SLC15A5: variants seen among roughly 807,000 people sequenced by gnomAD.
The protein encoded by SLC15A5 is solute carrier family 15 member 5.
SLC15A5 carries 58 observed loss-of-function variants against 56.1 expected under a neutral mutation model. The ratio of observed to expected loss-of-function variants is 1.03; its 90% CI spans 0.84 to 1.29. The LOEUF (loss-of-function observed/expected upper bound fraction) is 1.29. Ranked by LOEUF, SLC15A5 falls within the 50% of genes most tolerant of loss-of-function variation. The pLI is 0.00. For synonymous variants in SLC15A5, 264 were observed against 250.5 expected (o/e 1.05, Z -0.51); for missense variants, 681 against 672.1 (o/e 1.01, Z -0.15).
At chr12:16,257,571 T>C in intron 3 of SLC15A5, 130 bp downstream of exon 3, 1 of 656,372 alleles carries the variant, frequency 1.5e-6, no homozygotes, top group East Asian at 3.4e-5. Context: ...CATTGCTTTA[T>C]CAAGGGTAAT....
At chr12:16,253,560 T>G (rs1198522000) in intron 3 of SLC15A5, among the ~76,000 whole-genome samples, 1 of 152,020 alleles carries the variant, frequency 6.6e-6, no homozygotes, top group Non-Finnish European at 1.5e-5. Context: ...CACTAATTAC[T>G]AGGGAAATGC....
chr12:16,205,293 AT>A (rs1864003333), intron 7 of SLC15A5, among the ~76,000 whole-genome samples: 1 of 151,822 alleles, frequency 6.6e-6, no homozygotes, highest in African/African-American at 2.4e-5. Flanking sequence ...TGAGGCAAGT[AT>A]TATCATTTCA....
At chr12:16,236,574 T>C (rs1864354095) in intron 5 of SLC15A5, among the ~76,000 whole-genome samples, 1 of 152,194 alleles carries the variant, frequency 6.6e-6, no homozygotes, top group Non-Finnish European at 1.5e-5. Context: ...AGTAAGTTGA[T>C]TTTTTCTTTA....
chr12:16,210,617 C>T (rs1864070530), intron 7 of SLC15A5, among the ~76,000 whole-genome samples: 1 of 152,122 alleles, frequency 6.6e-6, no homozygotes, highest in Non-Finnish European at 1.5e-5. Context: ...CTAGTGAAGA[C>T]TAGAGAGAGA....
chr12:16,195,112 T>G (rs1417768889), intron 7 of SLC15A5, among the ~76,000 whole-genome samples: 1 of 152,042 alleles, frequency 6.6e-6, no homozygotes, highest in Non-Finnish European at 1.5e-5. Context: ...ATACTGGGTA[T>G]ATATGAAACT....
At chr12:16,255,064 C>G (rs1388935994) in intron 3 of SLC15A5, among the ~76,000 whole-genome samples, 1 of 152,024 alleles carries the variant, frequency 6.6e-6, no homozygotes, top group Non-Finnish European at 1.5e-5. Flanking sequence ...GATTACTATA[C>G]CTTATATGTA....
intron 3 of SLC15A5, among the ~76,000 whole-genome samples, chr12:16,254,839 G>A (rs1469720250): frequency 6.6e-6 from 1 of 152,136 alleles, no homozygotes; most frequent in Non-Finnish European, 1.5e-5. Context: ...GATATTAGAG[G>A]CTGGGAAGCA....
At chr12:16,233,737 C>T (rs1864321578) in intron 5 of SLC15A5, among the ~76,000 whole-genome samples, 1 of 152,164 alleles carries the variant, frequency 6.6e-6, no homozygotes, top group Non-Finnish European at 1.5e-5. Flanking sequence ...AAAGTGTCCT[C>T]CCTGACCAGT....
intron 4 of SLC15A5, among the ~76,000 whole-genome samples, chr12:16,240,219 T>G (rs1248323533): frequency 1.3e-5 from 2 of 152,200 alleles, no homozygotes; most frequent in Admixed American, 1.3e-4. Context: ...CTTTTCTTCA[T>G]GAACACTAAT....
At chr12:16,218,482 A>T (rs987654112) in intron 6 of SLC15A5, among the ~76,000 whole-genome samples, 2 of 152,122 alleles carry the variant, frequency 1.3e-5, no homozygotes, top group Non-Finnish European at 2.9e-5. Context: ...TGCAAACATG[A>T]TCGAGTATAC....
At chr12:16,255,913 G>A (rs116812827) in intron 3 of SLC15A5, among the ~76,000 whole-genome samples, 78 of 152,180 alleles carry the variant, frequency 5.1e-4, no homozygotes, top group African/African-American at 1.9e-3. Context: ...AAAAATGGAA[G>A]GATAATCCAT....
chr12:16,263,540 A>G (rs1308983502), intron 2 of SLC15A5, among the ~76,000 whole-genome samples: 1 of 152,202 alleles, frequency 6.6e-6, no homozygotes, highest in Non-Finnish European at 1.5e-5. Flanking sequence ...AGAAATTTGC[A>G]TAAGTAACAA....
chr12:16,272,461 T>C (rs1429166790), intron 2 of SLC15A5, 100 bp downstream of exon 2: 1 of 1,084,142 alleles, frequency 9.2e-7, no homozygotes, highest in East Asian at 2.6e-5. Context: ...CTTAGCCCAA[T>C]TCATCACAAA....
chr12:16,263,525 G>T lies in SLC15A5; in HGVS notation c.585-5655C>A, dbSNP rs576786076. 2.6e-5 allele frequency among the ~76,000 whole-genome samples: 4 copies of T among 152,256 alleles called. No individual in the cohort carries two copies. The East Asian group carries it at 7.7e-4, about 29-fold the overall frequency. ...ATTTTCTTAGGAGAAATTCAAGCCCGCTGCAGAAATTTGCATAAGTAACAA... is the reference window on the plus strand; with the variant it reads ...ATTTTCTTAGGAGAAATTCAAGCCCTCTGCAGAAATTTGCATAAGTAACAA... On this transcript the variant is annotated intron_variant, in intron 2 of 8. Coordinates refer to ENST00000344941, the MANE Select transcript of SLC15A5 (RefSeq NM_001170798.1).
chr12:16,205,020 C>G (rs941712208), intron 7 of SLC15A5, among the ~76,000 whole-genome samples: 1 of 151,924 alleles, frequency 6.6e-6, no homozygotes, highest in African/African-American at 2.4e-5. Flanking sequence ...TGGAAAAATA[C>G]TAGCAATAAA....
chr12:16,223,254 A>C (rs564974827), intron 6 of SLC15A5, among the ~76,000 whole-genome samples: 1 of 152,298 alleles, frequency 6.6e-6, no homozygotes, highest in South Asian at 2.1e-4. Flanking sequence ...TGATTACTCT[A>C]AAATCCATGT....
At chr12:16,200,134 A>G (rs1446111661) in intron 7 of SLC15A5, among the ~76,000 whole-genome samples, 3 of 151,842 alleles carry the variant, frequency 2.0e-5, no homozygotes, top group Non-Finnish European at 4.4e-5. Context: ...CATGTTATAA[A>G]TGTTGCTTAC....
At chr12:16,234,161 A>G (rs1487768179) in intron 5 of SLC15A5, among the ~76,000 whole-genome samples, 2 of 152,200 alleles carry the variant, frequency 1.3e-5, no homozygotes, top group Non-Finnish European at 2.9e-5. Context: ...GGCAGAAGGT[A>G]GAAGAGCAAA....
At position 16,257,790 on chromosome 12, in the gene SLC15A5, A is replaced by AG; in HGVS notation, c.664dup (p.Leu222ProfsTer43). Reference sequence around the variant, plus strand: ...AGACATAAAAGGAATAAGTAAAACAAGGGCCCAGGCCTGTGAGTGCTGGAT... The same window carrying AG: ...AGACATAAAAGGAATAAGTAAAACAAGGGGCCCAGGCCTGTGAGTGCTGGAT... On this transcript the variant is annotated frameshift_variant, in exon 3 of 9. Coordinates refer to ENST00000344941, the MANE Select transcript of SLC15A5 (RefSeq NM_001170798.1). LOFTEE classifies it high-confidence loss of function. 6.5e-7 allele frequency: 1 copy of AG among 1,532,330 alleles called. No homozygotes were observed. The highest frequency in any genetic ancestry group is 2.5e-5 in the East Asian group (1 of 40,626). The allele number at this position is 1,532,330 out of a possible 1,614,324, so 94.9% of individuals were successfully genotyped here. A position where few individuals can be genotyped will look rare whatever the true frequency, so the allele number is the denominator to read the frequency against.
Sources: gnomAD v4.1 joint callset for allele counts (sites outside exome capture counted in the v4.1 genomes callset) on GRCh38, gnomAD v4.1.1 for gene constraint, MANE v1.5 for transcripts, NCBI Gene and HGNC (gene_info 2026-07-23, HGNC 2026-07-21) for gene names.